Variants in RD3 observed in about 807,000 individuals in gnomAD.
RD3 encodes protein RD3.
In RD3, 11 loss-of-function variants were observed where a neutral mutation model predicts 16.9. The ratio of observed to expected loss-of-function variants is 0.65; its 90% CI spans 0.41 to 1.08. The LOEUF (loss-of-function observed/expected upper bound fraction) is 1.08. Ranked by LOEUF, RD3 falls within the 50% of genes least tolerant of loss-of-function variation. The pLI is 0.00. For missense variants in RD3, 274 were observed against 267.4 expected (o/e 1.02, Z -0.17); for synonymous variants, 116 against 114.8 (o/e 1.01, Z -0.07).
At chr1:211,487,905 G>A (rs542077219) in intron 1 of RD3, among the ~76,000 whole-genome samples, 48 of 152,320 alleles carry the variant, frequency 3.2e-4, no homozygotes, top group Non-Finnish European at 6.3e-4. Flanking sequence ...ACTCAAGAGA[G>A]GGGGGAAAAC....
chr1:211,480,411 C>A (rs748190363), intron 2 of RD3, among the ~76,000 whole-genome samples: 1 of 152,098 alleles, frequency 6.6e-6, no homozygotes, highest in Non-Finnish European at 1.5e-5. Context: ...GGGAGACTAA[C>A]AGGAGTTTTA....
At chr1:211,486,467 C>A (rs1276114271) in intron 1 of RD3, among the ~76,000 whole-genome samples, 1 of 151,840 alleles carries the variant, frequency 6.6e-6, no homozygotes, top group Non-Finnish European at 1.5e-5. Context: ...CCATTGCACT[C>A]CAGCCTGGGC....
At chr1:211,484,047 C>A (rs1705327277) in intron 1 of RD3, among the ~76,000 whole-genome samples, 1 of 152,160 alleles carries the variant, frequency 6.6e-6, no homozygotes, top group Non-Finnish European at 1.5e-5. Context: ...CCCTCGGAAG[C>A]TTTTCTTGAC....
intron 1 of RD3, among the ~76,000 whole-genome samples, chr1:211,488,823 G>A (rs998123156): frequency 6.6e-6 from 1 of 152,148 alleles, no homozygotes; most frequent in African/African-American, 2.4e-5. Flanking sequence ...CCTCCGTGGA[G>A]TCTGGGGCCT....
At chr1:211,490,282 C>T (rs1283820829) in intron 1 of RD3, among the ~76,000 whole-genome samples, 6 of 152,254 alleles carry the variant, frequency 3.9e-5, no homozygotes. Flanking sequence ...AGAACTGAGG[C>T]CCTGCGCCGG....
rs564447134 is a variant in RD3, at chr1:211,488,263, G to A, written c.-12+3505C>T. ...AAAAGTTCACCTGGAGGCCGGGAGC[G>A]GTGGCTCACGACTATAATCCCAGCA... On this transcript the variant is annotated intron_variant, in intron 1 of 2. Transcript: ENST00000680073. Among the ~76,000 whole-genome samples the A allele has an allele frequency of 9.9e-4, 151 of 152,248 alleles. 2 individuals are homozygous for A. Among genetic ancestry groups the A allele is most frequent in the African/African-American group, 3.4e-3 (142 of 41,546 alleles).
At chr1:211,483,572 G>A (rs778336299) in intron 1 of RD3, among the ~76,000 whole-genome samples, 4 of 151,878 alleles carry the variant, frequency 2.6e-5, no homozygotes, top group African/African-American at 4.8e-5. Context: ...ACGAAAGGAC[G>A]AACCATTAGA....
intron 1 of RD3, among the ~76,000 whole-genome samples, chr1:211,482,341 AT>A (rs1385061207): frequency 1.3e-5 from 2 of 152,012 alleles, no homozygotes; most frequent in African/African-American, 4.8e-5. Flanking sequence ...ACACGAAAGG[AT>A]GATGCCAGGA....
intron 1 of RD3, among the ~76,000 whole-genome samples, chr1:211,489,898 C>G (rs927942649): frequency 2.6e-5 from 4 of 152,136 alleles, no homozygotes; most frequent in Non-Finnish European, 5.9e-5. Flanking sequence ...TCTGTCTCTG[C>G]CTTTTGGTGT....
At chr1:211,487,761 C>T (rs1404912558) in intron 1 of RD3, among the ~76,000 whole-genome samples, 2 of 152,176 alleles carry the variant, frequency 1.3e-5, no homozygotes, top group Admixed American at 6.5e-5. Context: ...GTGGCGTGTG[C>T]GGGGAGGGCC....
At position 211,488,044 on chromosome 1, in the gene RD3, C is replaced by T. The variant is rs546224991; in HGVS notation, c.-12+3724G>A. On this transcript the variant is annotated intron_variant, in intron 1 of 2. Transcript: ENST00000680073. ...TGCCTGCCCCTGTTCTCTGCATAACCGCTACTGCTCATTAACCAGCGAGGC... is the reference window on the plus strand; with the variant it reads ...TGCCTGCCCCTGTTCTCTGCATAACTGCTACTGCTCATTAACCAGCGAGGC... 7.9e-5 allele frequency among the ~76,000 whole-genome samples: 12 copies of T among 152,326 alleles called. No individual in the cohort carries two copies. In the South Asian group the frequency reaches 2.1e-3, roughly 26 times the overall value.
At chr1:211,488,874 C>G (rs1705429860) in intron 1 of RD3, among the ~76,000 whole-genome samples, 1 of 152,314 alleles carries the variant, frequency 6.6e-6, no homozygotes, top group South Asian at 2.1e-4. Context: ...CACTCACCAC[C>G]TCCACTGCTT....
chr1:211,488,607 AT>A (rs1364880828), intron 1 of RD3, among the ~76,000 whole-genome samples: 1 of 152,108 alleles, frequency 6.6e-6, no homozygotes, highest in Non-Finnish European at 1.5e-5. Context: ...ACCAAATGCA[AT>A]GATGACACAA....
intron 1 of RD3, among the ~76,000 whole-genome samples, chr1:211,488,532 CAA>C (rs35415066): frequency 8.4e-5 from 9 of 107,728 alleles, no homozygotes; most frequent in Non-Finnish European, 9.4e-5. Context: ...AAGACTCTGT[CAA>C]AAAAAAAAAA....
chr1:211,481,024 T>G, intron 2 of RD3, 96 bp downstream of exon 2: 1 of 1,279,824 alleles, frequency 7.8e-7, no homozygotes. Flanking sequence ...TCATCCAGGC[T>G]CCCTGACTCT....
At position 211,479,230 on chromosome 1, in the gene RD3, C is replaced by A. The variant is rs1572140387; in HGVS notation, c.394G>T (p.Glu132Ter). 1 of 1,609,622 alleles carries A rather than the reference C, an allele frequency of 6.2e-7. No homozygotes were observed. The highest frequency in any genetic ancestry group is 1.1e-5 in the South Asian group (1 of 90,008). ...LQEVLERMKQ[E>*]EEAHKLTRQW... Reference sequence around the variant, plus strand: ...CGCGTCAGCTTGTGGGCCTCCTCTTCCTGCTTCATCCTCTCCAGGACCTCC... The same window carrying A: ...CGCGTCAGCTTGTGGGCCTCCTCTTACTGCTTCATCCTCTCCAGGACCTCC... The change falls in exon 3 of 3, where the codon GAA (glutamate) becomes TAA (stop). Residue 132 changes from glutamate to a stop codon, truncating the protein, a stop_gained. Transcript: ENST00000680073. LOFTEE classifies it high-confidence loss of function.
chr1:211,481,911 G>A (rs532473590), intron 1 of RD3, among the ~76,000 whole-genome samples: 1 of 152,256 alleles, frequency 6.6e-6, no homozygotes, highest in South Asian at 2.1e-4. Context: ...CCAGCCTATT[G>A]ACGAAAGACA....
At position 211,481,343 on chromosome 1, in the gene RD3, C is replaced by A; in HGVS notation, c.73G>T (p.Val25Leu). The change falls in exon 2 of 3, where the codon GTG (valine) becomes TTG (leucine). Residue 25 changes from valine (V) to leucine (L), a missense_variant. Transcript: ENST00000680073. Reference sequence around the variant, plus strand: ...AGCTCCATCATAAGCGTCTCCAGCACCATCTCAGCAGGGCTCCTGGTGGAC... The same window carrying A: ...AGCTCCATCATAAGCGTCTCCAGCAACATCTCAGCAGGGCTCCTGGTGGAC... ...RLSTRSPAEM[V>L]LETLMMELTG... 6.2e-7 allele frequency: 1 copy of A among 1,614,128 alleles called. No individual in the cohort carries two copies. The highest frequency in any genetic ancestry group is 1.7e-5 in the Admixed American group (1 of 60,024).
At chr1:211,482,455 G>A (rs1030440798) in intron 1 of RD3, among the ~76,000 whole-genome samples, 2 of 151,882 alleles carry the variant, frequency 1.3e-5, no homozygotes, top group African/African-American at 4.9e-5. Context: ...TGATGTGGGA[G>A]GGGAAGGTGT....
Sources: allele counts gnomAD v4.1 joint callset (sites outside exome capture counted in the v4.1 genomes callset), GRCh38; gene constraint gnomAD v4.1.1; transcripts MANE v1.5; gene names NCBI Gene and HGNC (gene_info 2026-07-23, HGNC 2026-07-21).